Variants in LINGO2 observed in about 807,000 individuals in gnomAD.
LINGO2 encodes leucine rich repeat and Ig domain containing 2.
LINGO2 carries 14 observed loss-of-function variants against 30.6 expected under a neutral mutation model. That is an observed-to-expected ratio of 0.46 (90% CI 0.30 to 0.72). The LOEUF is 0.72. LINGO2 is among the 30% of genes least tolerant of loss of function. LINGO2 has a pLI of 0.07. For missense variants in LINGO2, 729 were observed against 751.7 expected, an observed-to-expected ratio of 0.97 and a Z score of 0.35; for synonymous variants, 317 against 288.5, an observed-to-expected ratio of 1.10 and a Z score of -1.00.
At chr9:28,448,960 T>C (rs1162381892) in intron 2 of LINGO2, among the ~76,000 whole-genome samples, 1 of 151,696 alleles carries the variant, frequency 6.6e-6, no homozygotes, top group African/African-American at 2.4e-5. Context: ...TGAAGGGCCA[T>C]AAGTATCACA....
chr9:28,755,787 C>T, the LINGO2 span, among the ~76,000 whole-genome samples: 19 of 151,986 alleles, frequency 1.3e-4, no homozygotes, highest in African/African-American at 1.9e-4. Context: ...ATGTTTGCTC[C>T]GTGTCTGCAG....
the LINGO2 span, among the ~76,000 whole-genome samples, chr9:29,034,813 G>C: frequency 6.6e-6 from 1 of 152,100 alleles, no homozygotes; most frequent in African/African-American, 2.4e-5. Context: ...CACCCTTCGT[G>C]TCTGCTGCCT....
chr9:28,043,727 A>G (rs149656515), intron 4 of LINGO2, among the ~76,000 whole-genome samples: 43 of 152,208 alleles, frequency 2.8e-4, no homozygotes, highest in African/African-American at 1.0e-3. Flanking sequence ...TCTTGTCCCC[A>G]CCCAATCCTC....
At chr9:28,807,414 T>C in the LINGO2 span, among the ~76,000 whole-genome samples, 4 of 152,198 alleles carry the variant, frequency 2.6e-5, no homozygotes, top group Non-Finnish European at 4.4e-5. Flanking sequence ...AGGGTTTATG[T>C]AACTCAATAT....
At chr9:29,082,817 C>T in the LINGO2 span, among the ~76,000 whole-genome samples, 1 of 152,020 alleles carries the variant, frequency 6.6e-6, no homozygotes, top group Non-Finnish European at 1.5e-5. Flanking sequence ...ATGCAGCCAA[C>T]AGATACATGA....
At chr9:28,432,726 A>G (rs1054657948) in intron 2 of LINGO2, among the ~76,000 whole-genome samples, 1 of 152,154 alleles carries the variant, frequency 6.6e-6, no homozygotes, top group African/African-American at 2.4e-5. Flanking sequence ...GAAAAATGTT[A>G]TAAGATACAT....
chr9:28,197,535 T>G (rs942972768), intron 4 of LINGO2, among the ~76,000 whole-genome samples: 1 of 151,984 alleles, frequency 6.6e-6, no homozygotes, highest in Non-Finnish European at 1.5e-5. Flanking sequence ...TAAAGTTGTA[T>G]TTCTTCGTTG....
chr9:28,621,232 T>A (rs952277518), intron 1 of LINGO2, among the ~76,000 whole-genome samples: 9 of 152,042 alleles, frequency 5.9e-5, no homozygotes, highest in Admixed American at 5.9e-4. Context: ...ATATATAATG[T>A]GTTAATGATG....
the LINGO2 span, among the ~76,000 whole-genome samples, chr9:28,716,762 A>C: frequency 1.3e-5 from 2 of 152,140 alleles, no homozygotes; most frequent in Non-Finnish European, 2.9e-5. Context: ...ATAGCAACCC[A>C]AAATTTTTAA....
chr9:28,578,744 T>C (rs897229506), intron 1 of LINGO2, among the ~76,000 whole-genome samples: 5 of 152,194 alleles, frequency 3.3e-5, no homozygotes, highest in Non-Finnish European at 2.9e-5. Flanking sequence ...TTTTGGTGAA[T>C]GCTAATTAAC....
chr9:28,290,372 A>C (rs985890161), intron 4 of LINGO2, among the ~76,000 whole-genome samples: 2 of 152,124 alleles, frequency 1.3e-5, no homozygotes, highest in African/African-American at 2.4e-5. Flanking sequence ...TGCACTCGGC[A>C]AGACTTTGGA....
chr9:28,154,709 T>C (rs1177997800), intron 4 of LINGO2, among the ~76,000 whole-genome samples: 2 of 152,210 alleles, frequency 1.3e-5, no homozygotes, highest in African/African-American at 2.4e-5. Context: ...CAGACACCTA[T>C]GGACTTTCAA....
the LINGO2 span, among the ~76,000 whole-genome samples, chr9:28,853,050 C>A: frequency 6.6e-6 from 1 of 152,134 alleles, no homozygotes; most frequent in Admixed American, 6.6e-5. Context: ...AATGGCAGAC[C>A]TGGAGCCATG....
At chr9:29,143,061 A>C in the LINGO2 span, among the ~76,000 whole-genome samples, 10 of 151,910 alleles carry the variant, frequency 6.6e-5, no homozygotes, top group African/African-American at 2.4e-5. Context: ...GAAAAAAAGT[A>C]AAATATTTAG....
At chr9:28,975,975 T>C in the LINGO2 span, among the ~76,000 whole-genome samples, 1 of 152,194 alleles carries the variant, frequency 6.6e-6, no homozygotes, top group Non-Finnish European at 1.5e-5. Context: ...TTGATTTTTA[T>C]TGGTCTCTGC....
At chr9:29,056,583 GC>G in the LINGO2 span, among the ~76,000 whole-genome samples, 3 of 152,148 alleles carry the variant, frequency 2.0e-5, no homozygotes, top group Non-Finnish European at 4.4e-5. Context: ...CTCTGCAGAA[GC>G]TTTTTAGTTT....
intron 1 of LINGO2, among the ~76,000 whole-genome samples, chr9:28,649,036 A>C (rs1391805934): frequency 2.0e-5 from 3 of 152,112 alleles, no homozygotes; most frequent in Non-Finnish European, 4.4e-5. Flanking sequence ...TCTTGGCATA[A>C]GTGTGTCCTA....
intron 4 of LINGO2, among the ~76,000 whole-genome samples, chr9:28,139,562 A>G (rs1827617047): frequency 6.6e-6 from 1 of 152,228 alleles, no homozygotes. Context: ...GCATTTTTCC[A>G]TGGCTAACAA....
chr9:28,480,540 G>A (rs1049045272), intron 1 of LINGO2, among the ~76,000 whole-genome samples: 1 of 151,990 alleles, frequency 6.6e-6, no homozygotes, highest in Non-Finnish European at 1.5e-5. Context: ...TGAAGTGTTT[G>A]TTTGTTGGAA....
Sources: allele counts gnomAD v4.1 joint callset (sites outside exome capture counted in the v4.1 genomes callset), GRCh38; gene constraint gnomAD v4.1.1; transcripts MANE v1.5; gene names NCBI Gene and HGNC (gene_info 2026-07-23, HGNC 2026-07-21).